SAMD4A: variants seen among roughly 807,000 people sequenced by gnomAD.
SAMD4A encodes protein Smaug homolog 1.
A neutral mutation model predicts 81.3 loss-of-function variants in SAMD4A; 33 were observed. The ratio of observed to expected loss-of-function variants is 0.41; its 90% confidence interval spans 0.31 to 0.54. SAMD4A has a LOEUF of 0.54. Ranked by LOEUF, SAMD4A falls within the 20% of genes least tolerant of loss-of-function variation. The pLI, the probability that SAMD4A is intolerant of heterozygous loss-of-function variation, is 0.37. For missense variants in SAMD4A, 854 were observed against 951.1 expected (o/e 0.90, Z 1.34); for synonymous variants, 389 against 382.1 (o/e 1.02, Z -0.21).
intron 2 of SAMD4A, among the ~76,000 whole-genome samples, chr14:54,593,315 A>ATT (rs1186415991): frequency 1.3e-5 from 2 of 152,084 alleles, no homozygotes; most frequent in Non-Finnish European, 2.9e-5. Context: ...GTAATTCTTG[A>ATT]TTACTATTAG....
chr14:54,733,557 C>A (rs1363409681), intron 3 of SAMD4A, among the ~76,000 whole-genome samples: 1 of 152,140 alleles, frequency 6.6e-6, no homozygotes, highest in African/African-American at 2.4e-5. Context: ...GTCACAAATG[C>A]AGTATAAATT....
chr14:54,768,121 T>A (rs1480403586), intron 8 of SAMD4A, among the ~76,000 whole-genome samples: 1 of 152,222 alleles, frequency 6.6e-6, no homozygotes, highest in African/African-American at 2.4e-5. Context: ...CAGTTGTCCT[T>A]CAGGCTGGCA....
At chr14:54,718,533 C>T (rs2037178949) in intron 3 of SAMD4A, among the ~76,000 whole-genome samples, 1 of 152,030 alleles carries the variant, frequency 6.6e-6, no homozygotes, top group Admixed American at 6.6e-5. Context: ...CTTTTGCCTG[C>T]AGGCTAGTTT....
intron 9 of SAMD4A, 50 bp downstream of exon 9, chr14:54,770,272 T>C: frequency 2.4e-6 from 3 of 1,275,200 alleles, no homozygotes; most frequent in Non-Finnish European, 3.4e-6. Flanking sequence ...CCCTGGCGCC[T>C]TGTTGCCTAC....
At chr14:54,777,835 C>T (rs896974805) in intron 11 of SAMD4A, among the ~76,000 whole-genome samples, 4 of 152,188 alleles carry the variant, frequency 2.6e-5, no homozygotes, top group African/African-American at 7.2e-5. Context: ...TGTTTTAAAG[C>T]TCCTTTTCTC....
intron 2 of SAMD4A, among the ~76,000 whole-genome samples, chr14:54,656,615 GT>G (rs2035525909): frequency 6.6e-6 from 1 of 152,022 alleles, no homozygotes; most frequent in South Asian, 2.1e-4. Flanking sequence ...TCTGAAACTA[GT>G]TTTTTTGTTT....
intron 2 of SAMD4A, among the ~76,000 whole-genome samples, chr14:54,667,459 G>C (rs1393246718): frequency 6.6e-6 from 1 of 152,164 alleles, no homozygotes; most frequent in East Asian, 1.9e-4. Context: ...CATTGGCTTT[G>C]CTCTGTCCTG....
chr14:54,768,515 T>G (rs1218435556), intron 8 of SAMD4A, among the ~76,000 whole-genome samples: 1 of 152,106 alleles, frequency 6.6e-6, no homozygotes. Context: ...CCCACAACTC[T>G]CCTCCCCAGG....
chr14:54,659,333 T>A (rs1164728491), intron 2 of SAMD4A, among the ~76,000 whole-genome samples: 1 of 152,160 alleles, frequency 6.6e-6, no homozygotes, highest in Non-Finnish European at 1.5e-5. Context: ...GTCTCACAGT[T>A]CCTGAGCAAT....
chr14:54,596,199 T>C (rs1467904651), intron 2 of SAMD4A, among the ~76,000 whole-genome samples: 3 of 152,118 alleles, frequency 2.0e-5, no homozygotes, highest in Admixed American at 6.5e-5. Flanking sequence ...CTAACAAAGA[T>C]GTAGGCAGGA....
At chr14:54,649,927 G>T (rs1268780227) in intron 2 of SAMD4A, among the ~76,000 whole-genome samples, 3 of 152,038 alleles carry the variant, frequency 2.0e-5, no homozygotes, top group African/African-American at 7.2e-5. Context: ...TTTGGCATTT[G>T]TTCTTAGTCT....
chr14:54,742,750 A>C (rs1288727025), intron 4 of SAMD4A, among the ~76,000 whole-genome samples: 1 of 152,220 alleles, frequency 6.6e-6, no homozygotes, highest in Non-Finnish European at 1.5e-5. Context: ...CAAATGTAGA[A>C]GTCATTGAAA....
intron 2 of SAMD4A, among the ~76,000 whole-genome samples, chr14:54,572,991 A>G (rs2033176490): frequency 6.6e-6 from 1 of 152,224 alleles, no homozygotes; most frequent in South Asian, 2.1e-4. Flanking sequence ...TCTCCTAAAA[A>G]TATGCAGCCC....
intron 4 of SAMD4A, among the ~76,000 whole-genome samples, chr14:54,745,696 C>T (rs1360953675): frequency 6.6e-6 from 1 of 152,166 alleles, no homozygotes; most frequent in Non-Finnish European, 1.5e-5. Flanking sequence ...GAAGTCAGCC[C>T]AGCATATAGC....
intron 2 of SAMD4A, among the ~76,000 whole-genome samples, chr14:54,651,602 C>T (rs1236014444): frequency 6.6e-6 from 1 of 152,132 alleles, no homozygotes; most frequent in Admixed American, 6.5e-5. Flanking sequence ...TAAATATGCA[C>T]TACCCACAAG....
intron 2 of SAMD4A, among the ~76,000 whole-genome samples, chr14:54,675,845 G>T (rs1213902644): frequency 1.3e-5 from 2 of 152,184 alleles, no homozygotes; most frequent in Non-Finnish European, 1.5e-5. Flanking sequence ...ACAAGTGAGA[G>T]GTTTGTTAGG....
At chr14:54,600,838 A>G (rs1225105306) in intron 2 of SAMD4A, among the ~76,000 whole-genome samples, 1 of 152,220 alleles carries the variant, frequency 6.6e-6, no homozygotes, top group African/African-American at 2.4e-5. Context: ...AGGGCGGGTT[A>G]GTCATGAATT....
chr14:54,780,169 C>G (rs1044172410), intron 11 of SAMD4A, among the ~76,000 whole-genome samples: 1 of 152,186 alleles, frequency 6.6e-6, no homozygotes, highest in Non-Finnish European at 1.5e-5. Context: ...GAAGGGTAGG[C>G]TGCACAGCCT....
At chr14:54,634,583 G>A (rs1475637447) in intron 2 of SAMD4A, among the ~76,000 whole-genome samples, 1 of 152,092 alleles carries the variant, frequency 6.6e-6, no homozygotes. Flanking sequence ...ATACCATGCT[G>A]CTTTGACAGG....
Sources: gnomAD v4.1 joint callset for allele counts (sites outside exome capture counted in the v4.1 genomes callset) on GRCh38, gnomAD v4.1.1 for gene constraint, MANE v1.5 for transcripts, NCBI Gene and HGNC (gene_info 2026-07-23, HGNC 2026-07-21) for gene names.